Variants in STMN1 observed in about 807,000 individuals in gnomAD.
STMN1 encodes the protein stathmin.
Under a neutral mutation model 19.7 loss-of-function variants are expected in STMN1, and 3 were observed. That is an observed-to-expected ratio of 0.15 (90% CI 0.07 to 0.39). The LOEUF (loss-of-function observed/expected upper bound fraction) is 0.39, where lower values mean the gene tolerates loss of function less well. STMN1 is among the 10% of genes least tolerant of loss of function. The probability of loss-of-function intolerance (pLI) is 1.00; values close to 1 mark genes in which losing one functional copy is unlikely to be tolerated. For missense variants in STMN1, 99 were observed against 176.0 expected, an observed-to-expected ratio of 0.56 and a Z score of 2.48; for synonymous variants, 59 against 58.9, an observed-to-expected ratio of 1.00 and a Z score of -0.01.
At chr1:25,892,908 G>A (rs1193063977) in intron 4 of STMN1, among the ~76,000 whole-genome samples, 1 of 152,146 alleles carries the variant, frequency 6.6e-6, no homozygotes, top group African/African-American at 2.4e-5. Flanking sequence ...AAACCATCAA[G>A]GCTTCCCCAC....
chr1:25,889,384 G>C (rs1241136443), intron 4 of STMN1, among the ~76,000 whole-genome samples: 2 of 152,164 alleles, frequency 1.3e-5, no homozygotes, highest in Non-Finnish European at 2.9e-5. Context: ...AGAGCAGCCA[G>C]CAAGGTCTGC....
chr1:25,902,407 A>G (rs1431348690), intron 3 of STMN1: 1 of 152,276 alleles, frequency 6.6e-6, no homozygotes, highest in Non-Finnish European at 1.5e-5. Flanking sequence ...AGGAAATTCA[A>G]GACTAAGTCT....
Position 25,901,506 on chromosome 1 carries a change from T to G in STMN1, c.363A>C (p.Glu121Asp). 1.2e-6 allele frequency: 2 copies of G among 1,608,440 alleles called. No individual in the cohort carries two copies. Among genetic ancestry groups the G allele is most frequent in the Non-Finnish European group, 1.7e-6 (2 of 1,178,342 alleles). The change falls in exon 4 of 5, where the codon GAA becomes GAC. Residue 121 changes from glutamate to aspartate, a missense_variant. Physicochemically the swap from Glu to Asp is conservative, Grantham distance 45. Around this residue, in one of 3 missense-constraint regions of STMN1, gnomAD observed 54 missense variants for 79.4 expected, o/e 0.68. Transcript: ENST00000455785. The stretch of plus-strand genomic sequence containing the variant: ...AGAAACCAACCTTCTCTCGCAAACG[T>G]TCCAGTTTGGCAGCCATTTGTGCCT... ...NREAQMAAKL[E>D]RLREKDKHIE...
chr1:25,886,623 C>G (rs1216793599), intron 4 of STMN1, among the ~76,000 whole-genome samples: 1 of 137,958 alleles, frequency 7.2e-6, no homozygotes, highest in Non-Finnish European at 1.5e-5. Flanking sequence ...GAGTCTCACT[C>G]TGTTGCCCAG....
downstream of STMN1, among the ~76,000 whole-genome samples, chr1:25,896,537 C>T (rs2048819649): frequency 6.6e-6 from 1 of 152,172 alleles, no homozygotes; most frequent in Admixed American, 6.5e-5. Flanking sequence ...CAGCAGCCTA[C>T]TTGTCTCAGT....
Position 25,903,718 on chromosome 1 carries a change from G to C in STMN1, c.109C>G (p.Leu37Val). 1.9e-6 allele frequency: 3 copies of C among 1,614,006 alleles called. No individual in the cohort carries two copies. Among genetic ancestry groups the C allele is most frequent in the Non-Finnish European group, 2.5e-6 (3 of 1,180,036 alleles). The change falls in exon 3 of 5, where the codon CTT becomes GTT. Residue 37 changes from leucine (L) to valine (V), a missense_variant. This residue lies in a region of STMN1 where 37 missense variants were observed against 57.9 expected (regional missense o/e 0.64). Transcript: ENST00000455785. ...RSKESVPEFP[L>V]SPPKKKDLSL... Reference sequence around the variant, plus strand: ...AGATCCTTCTTCTTTGGAGGGGAAAGGGGGAATTCTGGAACAGATTCTTTT... The same window carrying C: ...AGATCCTTCTTCTTTGGAGGGGAAACGGGGAATTCTGGAACAGATTCTTTT...
intron 4 of STMN1, among the ~76,000 whole-genome samples, chr1:25,887,084 T>G (rs1288259508): frequency 6.6e-6 from 1 of 152,168 alleles, no homozygotes; most frequent in East Asian, 1.9e-4. Context: ...TAATTACCTG[T>G]TTCCCTCCTG....
chr1:25,901,355 C>A, intron 4 of STMN1, 136 bp downstream of exon 4: 1 of 1,210,032 alleles, frequency 8.3e-7, no homozygotes. Flanking sequence ...TAAAATATAC[C>A]TTTCATTTAA....
In STMN1 at chr1:25,900,500, C is replaced by T; in HGVS notation, c.*516G>A. On this transcript the variant is annotated 3_prime_UTR_variant, in exon 5 of 5. Coordinates refer to ENST00000455785, the MANE Select transcript of STMN1 (RefSeq NM_005563.4). The stretch of plus-strand genomic sequence containing the variant: ...CCAGCCCCAAAGGCCCCATCTGGAA[C>T]AAGTATCAACCAGGAGGGGCTCTAT... 1.0e-6 allele frequency: 1 copy of T among 985,930 alleles called. No individual in the cohort carries two copies. Among genetic ancestry groups the T allele is most frequent in the African/African-American group, 1.7e-5 (1 of 57,348 alleles). 61.1% of individuals were successfully genotyped at this position (985,930 alleles called of 1,614,324 possible).
chr1:25,906,450 G>A (rs1403517253), upstream of STMN1: 1 of 154,122 alleles, frequency 6.5e-6, no homozygotes, highest in Non-Finnish European at 1.5e-5. This position sits in a 1 kb window ranked among gnomAD's most constrained non-coding sequence, Gnocchi z 4.5. Flanking sequence ...GCGCACAAAA[G>A]CGCCAAACAG....
intron 3 of STMN1, chr1:25,902,461 G>A (rs2048887052): frequency 6.6e-6 from 1 of 152,140 alleles, no homozygotes. Context: ...CAAGGAAAAG[G>A]CTTATTAGCT....
intron 4 of STMN1, among the ~76,000 whole-genome samples, chr1:25,889,907 G>A (rs1367737864): frequency 1.3e-5 from 2 of 152,134 alleles, no homozygotes; most frequent in Non-Finnish European, 2.9e-5. Context: ...TCAGGCCTTG[G>A]CACTAGCAGT....
chr1:25,901,378 C>T, intron 4 of STMN1, 113 bp downstream of exon 4: 4 of 1,344,206 alleles, frequency 3.0e-6, no homozygotes, highest in Non-Finnish European at 4.1e-6. Context: ...TGTTAAGCCC[C>T]AAAATGGATG....
At chr1:25,886,579 CTTTT>C (rs34974254) in intron 4 of STMN1, among the ~76,000 whole-genome samples, 1 of 94,390 alleles carries the variant, frequency 1.1e-5, no homozygotes, top group African/African-American at 4.3e-5. Context: ...ACCCCCACCA[CTTTT>C]TTTTTTTTTT....
At chr1:25,904,592 G>A (rs1254077826) in intron 2 of STMN1, 72 bp downstream of exon 2, 3 of 1,415,126 alleles carry the variant, frequency 2.1e-6, no homozygotes, top group Non-Finnish European at 3.0e-6. Context: ...AATCAAAGGC[G>A]AAGACCTGAG....
downstream of STMN1, among the ~76,000 whole-genome samples, chr1:25,899,754 T>C (rs781285047): frequency 4.6e-5 from 7 of 152,118 alleles, no homozygotes; most frequent in Non-Finnish European, 8.8e-5. Context: ...TAGGCTGTTA[T>C]TGTTCTCATG....
downstream of STMN1, chr1:25,900,007 G>A: frequency 7.3e-6 from 6 of 822,182 alleles, no homozygotes; most frequent in Non-Finnish European, 7.3e-6. Flanking sequence ...CTGACAATGG[G>A]GACTATTACA....
Position 25,901,701 on chromosome 1 carries a change from T to C in STMN1, c.187-19A>G. ...CATGGGACTGGAAAAAAAAGTTTAA[T>C]AGGCTAGGCACTCTAAAATGTATTC... On this transcript the variant is annotated intron_variant, in intron 3 of 4. Transcript: ENST00000455785. 2.5e-6 allele frequency: 4 copies of C among 1,599,388 alleles called. No individual in the cohort carries two copies. Among genetic ancestry groups the C allele is most frequent in the African/African-American group, 1.4e-5 (1 of 73,986 alleles).
downstream of STMN1, among the ~76,000 whole-genome samples, chr1:25,897,361 C>T (rs2048828337): frequency 6.6e-6 from 1 of 151,320 alleles, no homozygotes; most frequent in Non-Finnish European, 1.5e-5. Flanking sequence ...CTTCTGTATT[C>T]CTAAATGAAC....
Sources: allele counts gnomAD v4.1 joint callset (sites outside exome capture counted in the v4.1 genomes callset), GRCh38; gene constraint gnomAD v4.1.1; regional missense constraint gnomAD v4.1.1; non-coding constraint Gnocchi (gnomAD v3.1); transcripts MANE v1.5; gene names NCBI Gene and HGNC (gene_info 2026-07-23, HGNC 2026-07-21).